Variants in ASZ1 observed in about 807,000 individuals in gnomAD.
The protein encoded by ASZ1 is ankyrin repeat, SAM and basic leucine zipper domain-containing protein 1.
ASZ1 carries 67 observed loss-of-function variants against 61.8 expected under a neutral mutation model. The observed-to-expected ratio is 1.08, with a 90% confidence interval of 0.89 to 1.33. ASZ1 has a LOEUF of 1.33. Among genes scored for constraint, ASZ1 ranks in the 40% most tolerant of loss-of-function variants. The probability of loss-of-function intolerance (pLI) is 0.00; values close to 1 mark genes in which losing one functional copy is unlikely to be tolerated. For missense variants in ASZ1, 577 were observed against 554.5 expected, an observed-to-expected ratio of 1.04 and a Z score of -0.41; for synonymous variants, 193 against 192.7, an observed-to-expected ratio of 1.00 and a Z score of -0.01.
At chr7:117,411,632 T>C (rs1325910931) in intron 4 of ASZ1, among the ~76,000 whole-genome samples, 2 of 151,866 alleles carry the variant, frequency 1.3e-5, no homozygotes, top group Non-Finnish European at 3.0e-5. Flanking sequence ...GGAAGTCTTC[T>C]ACAGAATTAA....
chr7:117,425,822 T>TTTCA (rs1388484710), intron 2 of ASZ1, among the ~76,000 whole-genome samples: 4 of 151,818 alleles, frequency 2.6e-5, no homozygotes, highest in African/African-American at 9.6e-5. Flanking sequence ...AACCCCCGTG[T>TTTCA]CTACTAAAAT....
intron 4 of ASZ1, among the ~76,000 whole-genome samples, chr7:117,397,240 C>T (rs1161298941): frequency 1.3e-5 from 2 of 151,788 alleles, no homozygotes; most frequent in Admixed American, 6.6e-5. Flanking sequence ...CGAACCGAAC[C>T]GAACCAAACC....
At chr7:117,379,133 TTATA>T (rs370500034) in intron 10 of ASZ1, among the ~76,000 whole-genome samples, 81 of 104,672 alleles carry the variant, frequency 7.7e-4, no homozygotes, top group Middle Eastern at 5.7e-3. Flanking sequence ...TGTGATAAAA[TTATA>T]TATATATATA....
At chr7:117,391,494 T>A (rs1796466883) in intron 4 of ASZ1, among the ~76,000 whole-genome samples, 1 of 152,144 alleles carries the variant, frequency 6.6e-6, no homozygotes, top group Non-Finnish European at 1.5e-5. Context: ...TGGTAAGAGG[T>A]AGGGATCCAG....
chr7:117,382,768 TAA>T (rs1355162380), intron 7 of ASZ1, among the ~76,000 whole-genome samples: 2 of 152,098 alleles, frequency 1.3e-5, no homozygotes, highest in African/African-American at 4.8e-5. Context: ...ATATCTTACT[TAA>T]AGTTTACATT....
At chr7:117,420,141 G>T in intron 4 of ASZ1, 22 bp downstream of exon 4, 1 of 1,536,138 alleles carries the variant, frequency 6.5e-7, no homozygotes, top group Non-Finnish European at 8.9e-7. Flanking sequence ...CTTGAATTTT[G>T]AACAGATATA....
chr7:117,402,998 C>A (rs1481394025), intron 4 of ASZ1, among the ~76,000 whole-genome samples: 3 of 152,000 alleles, frequency 2.0e-5, no homozygotes, highest in South Asian at 4.2e-4. Flanking sequence ...AAAACATGTA[C>A]CCTCTCCAGG....
chr7:117,406,671 T>C (rs755481104), intron 4 of ASZ1, among the ~76,000 whole-genome samples: 1 of 151,866 alleles, frequency 6.6e-6, no homozygotes, highest in African/African-American at 2.4e-5. Context: ...GAGAATCTCT[T>C]GAACCCGGGA....
chr7:117,384,650 C>A (rs1796313170), intron 6 of ASZ1, 76 bp downstream of exon 6: 3 of 1,453,188 alleles, frequency 2.1e-6, no homozygotes, highest in East Asian at 5.0e-5. Flanking sequence ...TTAATTCTAA[C>A]AGAATAATAC....
chr7:117,422,525 C>CA (rs1196636961), intron 2 of ASZ1, among the ~76,000 whole-genome samples, 166 bp from the exon 3 acceptor site: 1 of 152,158 alleles, frequency 6.6e-6, no homozygotes, highest in Non-Finnish European at 1.5e-5. Flanking sequence ...TATATTGGGA[C>CA]ATTAACACAA....
At chr7:117,424,356 A>G (rs1372343793) in intron 2 of ASZ1, among the ~76,000 whole-genome samples, 1 of 152,224 alleles carries the variant, frequency 6.6e-6, no homozygotes, top group East Asian at 1.9e-4. Context: ...ATATTTTTAA[A>G]AAGAGTTACA....
At chr7:117,423,517 G>A (rs910788358) in intron 2 of ASZ1, among the ~76,000 whole-genome samples, 2 of 151,666 alleles carry the variant, frequency 1.3e-5, no homozygotes, top group Admixed American at 6.6e-5. Context: ...TGCTCAAACT[G>A]TGATAGCAAA....
At chr7:117,385,912 C>T (rs1241939622) in intron 4 of ASZ1, 103 bp from the exon 5 acceptor site, 100 of 888,964 alleles carry the variant, frequency 1.1e-4, no homozygotes, top group East Asian at 5.2e-4. Flanking sequence ...GCTTTGAAAA[C>T]GAAAAGAAAT....
chr7:117,394,666 T>C (rs955508764), intron 4 of ASZ1, among the ~76,000 whole-genome samples: 12 of 152,164 alleles, frequency 7.9e-5, no homozygotes, highest in African/African-American at 2.7e-4. Flanking sequence ...ATTTGACAGA[T>C]GTTAGGACTT....
At chr7:117,427,240 T>C (rs1424029294) in intron 1 of ASZ1, 116 bp downstream of exon 1, 24 of 1,209,232 alleles carry the variant, frequency 2.0e-5, no homozygotes, top group South Asian at 1.6e-4. Flanking sequence ...GTATTTCCAC[T>C]GGGTAAAAGG....
At chr7:117,423,024 G>A (rs1242253015) in intron 2 of ASZ1, among the ~76,000 whole-genome samples, 5 of 152,156 alleles carry the variant, frequency 3.3e-5, no homozygotes, top group Non-Finnish European at 5.9e-5. Flanking sequence ...GGGCAGTGGA[G>A]AGAGAAAGGA....
At chr7:117,376,107 T>G (rs1177169332) in intron 10 of ASZ1, among the ~76,000 whole-genome samples, 1 of 151,638 alleles carries the variant, frequency 6.6e-6, no homozygotes, top group Admixed American at 6.6e-5. Context: ...ATCGCCAATA[T>G]AAAGAATGAA....
intron 1 of ASZ1, 61 bp downstream of exon 1, chr7:117,427,295 G>A (rs780102530): frequency 1.4e-5 from 22 of 1,554,946 alleles, no homozygotes; most frequent in African/African-American, 5.4e-5. Context: ...GCTGGGCCTC[G>A]CCTTCGAGGG....
chr7:117,376,860 C>G (rs1257876529), intron 10 of ASZ1, among the ~76,000 whole-genome samples: 1 of 152,018 alleles, frequency 6.6e-6, no homozygotes, highest in Non-Finnish European at 1.5e-5. Context: ...ATGGTTTTCT[C>G]CTGAGATTGG....
Sources: allele counts gnomAD v4.1 joint callset (sites outside exome capture counted in the v4.1 genomes callset), GRCh38; gene constraint gnomAD v4.1.1; transcripts MANE v1.5; gene names NCBI Gene and HGNC (gene_info 2026-07-23, HGNC 2026-07-21).